HIVEP3: variants seen among roughly 807,000 people sequenced by gnomAD.
HIVEP3 encodes HIVEP zinc finger 3.
A neutral mutation model predicts 152.8 loss-of-function variants in HIVEP3; 49 were observed. The observed-to-expected ratio is 0.32, with a 90% CI of 0.26 to 0.41. HIVEP3 has a LOEUF of 0.41. Ranked by LOEUF, HIVEP3 falls within the 10% of genes least tolerant of loss-of-function variation. The pLI, the probability that HIVEP3 is intolerant of heterozygous loss-of-function variation, is 1.00. For synonymous variants in HIVEP3, 1,269 were observed against 1,289.0 expected, an observed-to-expected ratio of 0.98 and a Z score of 0.33; for missense variants, 2,790 against 3,103.3, an observed-to-expected ratio of 0.90 and a Z score of 2.40.
At chr1:41,519,867 G>C (rs138388530) in intron 6 of HIVEP3, among the ~76,000 whole-genome samples, 1 of 152,100 alleles carries the variant, frequency 6.6e-6, no homozygotes, top group African/African-American at 2.4e-5. Flanking sequence ...ATGGAGAATG[G>C]GTCAATAAAC....
chr1:41,516,812 C>T (rs1044071561), intron 7 of HIVEP3, among the ~76,000 whole-genome samples: 3 of 152,256 alleles, frequency 2.0e-5, no homozygotes, highest in Non-Finnish European at 4.4e-5. Context: ...CTCCTGACCC[C>T]GGTTCCTCCG....
chr1:41,591,522 G>T (rs1365977420), intron 3 of HIVEP3, among the ~76,000 whole-genome samples: 1 of 151,940 alleles, frequency 6.6e-6, no homozygotes, highest in Non-Finnish European at 1.5e-5. Context: ...CCAACCCAGG[G>T]CACAAGCTAG....
chr1:41,547,800 C>T (rs1156861773), intron 5 of HIVEP3, among the ~76,000 whole-genome samples: 1 of 152,234 alleles, frequency 6.6e-6, no homozygotes, highest in Non-Finnish European at 1.5e-5. Flanking sequence ...GATGTGGCCT[C>T]TTCCATTTGA....
intron 3 of HIVEP3, among the ~76,000 whole-genome samples, chr1:41,613,735 A>G (rs911892231): frequency 7.9e-5 from 12 of 152,226 alleles, no homozygotes; most frequent in African/African-American, 2.9e-4. Flanking sequence ...AGGGTTGTGC[A>G]ACCATCCCAA....
intron 5 of HIVEP3, among the ~76,000 whole-genome samples, chr1:41,573,746 A>G (rs772583680): frequency 2.6e-5 from 4 of 152,178 alleles, no homozygotes; most frequent in South Asian, 4.1e-4. Context: ...TTACAGATAA[A>G]GAAACTGAGG....
intron 5 of HIVEP3, among the ~76,000 whole-genome samples, chr1:41,564,199 A>G (rs1020665885): frequency 2.0e-5 from 2 of 97,592 alleles, no homozygotes; most frequent in Admixed American, 9.1e-5. Flanking sequence ...CTCAAACAAC[A>G]ACAACAACAA....
At chr1:41,898,192 T>C (rs145620877) in intron 1 of HIVEP3, among the ~76,000 whole-genome samples, 1 of 152,356 alleles carries the variant, frequency 6.6e-6, no homozygotes, top group East Asian at 1.9e-4. Flanking sequence ...GGAACCAAAG[T>C]TCTCACTGTA....
rs888156067 is a variant in HIVEP3 at position 41,513,140 on chromosome 1, C to T, written c.6081G>A (p.Gly2027=). The T allele has an allele frequency of 9.3e-6, 15 of 1,613,724 alleles. No individual in the cohort carries two copies. Among genetic ancestry groups the T allele is most frequent in the Admixed American group, 3.3e-5 (2 of 60,006 alleles). The change falls in exon 8 of 9, where the codon GGG becomes GGA. Residue 2027 remains glycine (G), a synonymous_variant. Coordinates refer to ENST00000372583, the MANE Select transcript of HIVEP3 (RefSeq NM_024503.5). ...PGRGMGALPC[G]SPRLQLSPLT... Reference sequence around the variant, plus strand: ...GAGGAGACAGCTGAAGTCTTGGAGACCCACAAGGGAGAGCGCCCATGCCCC... The same window carrying T: ...GAGGAGACAGCTGAAGTCTTGGAGATCCACAAGGGAGAGCGCCCATGCCCC...
chr1:41,866,851 T>C (rs979939026), intron 1 of HIVEP3, among the ~76,000 whole-genome samples: 1 of 152,200 alleles, frequency 6.6e-6, no homozygotes, highest in Non-Finnish European at 1.5e-5. Flanking sequence ...CTGAAAAATC[T>C]GGACAAGATG....
intron 1 of HIVEP3, among the ~76,000 whole-genome samples, chr1:41,812,818 G>A (rs2124330137): frequency 6.9e-6 from 1 of 145,216 alleles, no homozygotes. Context: ...GGGGGTGGGG[G>A]GACAGATAAG....
chr1:41,660,777 T>C (rs1645700040), intron 2 of HIVEP3, among the ~76,000 whole-genome samples: 1 of 152,220 alleles, frequency 6.6e-6, no homozygotes, highest in Admixed American at 6.5e-5. Context: ...TCTCAGAGCC[T>C]TTCATTTGCC....
chr1:41,581,185 G>A lies in HIVEP3; in HGVS notation c.3613C>T (p.Leu1205Phe). 3 of 1,551,006 alleles carry A rather than the reference G, an allele frequency of 1.9e-6. No homozygotes were observed. In the South Asian group the frequency reaches 3.8e-5, roughly 19 times the overall value. ...GCTGGGTGAGGCATGAGCTGGGGGA[G>A]ATGGAGTTGGCCTGGGTGCAGAACA... ...PTVLHPGQLHLPQLMPHPANI... is the reference protein window; with the variant it reads ...PTVLHPGQLHFPQLMPHPANI... The change falls in exon 4 of 9, where the codon CTC becomes TTC. Residue 1205 changes from leucine (L) to phenylalanine (F), a missense_variant. Around this residue, in one of 9 missense-constraint regions of HIVEP3, gnomAD observed 1,078 missense variants for 1,165.3 expected, o/e 0.93. Transcript: ENST00000372583. The surrounding 1 kb of genome is among the most constrained non-coding windows in gnomAD (Gnocchi z 4.5).
rs566982922 is a variant in HIVEP3, at chr1:41,546,983, A to G, written c.5208-22073T>C. Among the ~76,000 whole-genome samples the G allele has an allele frequency of 2.0e-5, 3 of 152,352 alleles. No homozygotes were observed. In the East Asian group the frequency reaches 5.8e-4, roughly 29 times the overall value. On this transcript the variant is annotated intron_variant, in intron 5 of 8. Transcript: ENST00000372583. Reference sequence around the variant, plus strand: ...ACTTGCTCACACTGACTGCAGATCTACGCAGTGCTCATCGGGAGTGGTGGG... The same window carrying G: ...ACTTGCTCACACTGACTGCAGATCTGCGCAGTGCTCATCGGGAGTGGTGGG...
chr1:41,917,508 A>G (rs1644889274), intron 1 of HIVEP3, among the ~76,000 whole-genome samples: 1 of 152,168 alleles, frequency 6.6e-6, no homozygotes, highest in Admixed American at 6.5e-5. Context: ...AGTTCAAGGA[A>G]GGGCCTAGCC....
intron 3 of HIVEP3, among the ~76,000 whole-genome samples, chr1:41,598,255 G>T (rs1037930261): frequency 1.3e-5 from 2 of 152,200 alleles, no homozygotes; most frequent in Middle Eastern, 3.2e-3. Context: ...CTGATCTCTT[G>T]TCAGTTTCTG....
intron 1 of HIVEP3, among the ~76,000 whole-genome samples, chr1:41,723,235 G>C (rs1463708255): frequency 6.6e-6 from 1 of 152,104 alleles, no homozygotes; most frequent in African/African-American, 2.4e-5. Flanking sequence ...ACATCTGCCA[G>C]ATCTTGAGTC....
chr1:41,801,617 C>T (rs925118584), intron 1 of HIVEP3, among the ~76,000 whole-genome samples: 3 of 152,074 alleles, frequency 2.0e-5, no homozygotes, highest in South Asian at 2.1e-4. Context: ...TGGCAGCATG[C>T]GCCTGTAGTC....
chr1:41,727,184 A>G (rs1292215548), intron 1 of HIVEP3, among the ~76,000 whole-genome samples: 1 of 152,170 alleles, frequency 6.6e-6, no homozygotes, highest in African/African-American at 2.4e-5. Flanking sequence ...CACGTGTGTC[A>G]TCTCCTTCTC....
At chr1:41,534,135 T>C (rs1339716265) in intron 5 of HIVEP3, among the ~76,000 whole-genome samples, 1 of 152,144 alleles carries the variant, frequency 6.6e-6, no homozygotes, top group Non-Finnish European at 1.5e-5. Context: ...CTCTCTCCTA[T>C]ACCACTGCCT....
Sources: allele counts gnomAD v4.1 joint callset (sites outside exome capture counted in the v4.1 genomes callset), GRCh38; gene constraint gnomAD v4.1.1; regional missense constraint gnomAD v4.1.1; non-coding constraint Gnocchi (gnomAD v3.1); transcripts MANE v1.5; gene names NCBI Gene and HGNC (gene_info 2026-07-23, HGNC 2026-07-21).